The following MACROD2 variants were observed in gnomAD, a reference collection of about 807,000 sequenced individuals.
MACROD2 encodes ADP-ribose glycohydrolase MACROD2.
MACROD2 carries 36 observed loss-of-function variants against 70.4 expected under a neutral mutation model. That is an observed-to-expected ratio of 0.51 (90% confidence interval 0.39 to 0.68). The LOEUF (loss-of-function observed/expected upper bound fraction) is 0.68, where lower values mean the gene tolerates loss of function less well. Ranked by LOEUF, MACROD2 falls within the 30% of genes least tolerant of loss-of-function variation. MACROD2 has a pLI of 0.00. For synonymous variants in MACROD2, 172 were observed against 178.8 expected (o/e 0.96, Z 0.30); for missense variants, 496 against 538.4 (o/e 0.92, Z 0.78).
intron 5 of MACROD2, among the ~76,000 whole-genome samples, chr20:15,187,953 T>C (rs1183703869): frequency 1.3e-5 from 2 of 152,164 alleles, no homozygotes; most frequent in Non-Finnish European, 2.9e-5. Flanking sequence ...ATACTTCTGA[T>C]GTCCTTAATT....
intron 11 of MACROD2, among the ~76,000 whole-genome samples, chr20:15,934,299 G>T (rs1021686819): frequency 2.0e-5 from 3 of 152,186 alleles, no homozygotes; most frequent in Non-Finnish European, 4.4e-5. Context: ...TAACCTTGGA[G>T]ATTTTGCTAG....
intron 7 of MACROD2, among the ~76,000 whole-genome samples, chr20:15,467,049 A>G (rs1031038566): frequency 6.6e-6 from 1 of 152,188 alleles, no homozygotes; most frequent in African/African-American, 2.4e-5. Flanking sequence ...CACCATGTCC[A>G]TACAACCTGA....
At chr20:15,005,631 A>G (rs186047792) in intron 5 of MACROD2, among the ~76,000 whole-genome samples, 3 of 152,290 alleles carry the variant, frequency 2.0e-5, no homozygotes, top group Admixed American at 6.5e-5. Flanking sequence ...TAGTTCTTCT[A>G]TCTTTAGGTG....
intron 4 of MACROD2, among the ~76,000 whole-genome samples, chr20:14,527,114 C>T (rs2085242958): frequency 6.6e-6 from 1 of 152,194 alleles, no homozygotes; most frequent in Admixed American, 6.5e-5. Context: ...TCCAACTGCC[C>T]CAGCCAAACT....
chr20:15,924,319 A>C (rs1027285528), intron 10 of MACROD2, among the ~76,000 whole-genome samples: 7 of 152,158 alleles, frequency 4.6e-5, no homozygotes, highest in African/African-American at 1.7e-4. Flanking sequence ...GCTATTCAGA[A>C]AGCAGGAGAC....
chr20:15,105,890 C>T (rs982291438), intron 5 of MACROD2, among the ~76,000 whole-genome samples: 3 of 152,082 alleles, frequency 2.0e-5, no homozygotes, highest in Admixed American at 6.6e-5. Flanking sequence ...AATTGAACAG[C>T]GTGGTGCCTA....
At chr20:15,159,875 G>A (rs1192527052) in intron 5 of MACROD2, among the ~76,000 whole-genome samples, 1 of 152,024 alleles carries the variant, frequency 6.6e-6, no homozygotes, top group Non-Finnish European at 1.5e-5. Context: ...CAGCGCAGTG[G>A]GAGAGGTTGG....
chr20:14,207,282 A>T (rs1257563013), intron 3 of MACROD2, among the ~76,000 whole-genome samples: 1 of 151,956 alleles, frequency 6.6e-6, no homozygotes, highest in African/African-American at 2.4e-5. Context: ...GGTTTTTTTT[A>T]GTAGAGACGG....
At chr20:15,768,138 C>CTG (rs557053436) in intron 8 of MACROD2, among the ~76,000 whole-genome samples, 6,653 of 148,614 alleles carry the variant, frequency 0.045, 347 homozygotes, top group East Asian at 0.27. Context: ...GTGTATGTGT[C>CTG]TGTGTGTGTG....
At chr20:14,568,938 G>A (rs1979994828) in intron 4 of MACROD2, among the ~76,000 whole-genome samples, 1 of 151,926 alleles carries the variant, frequency 6.6e-6, no homozygotes, top group Non-Finnish European at 1.5e-5. Flanking sequence ...TCAGCATTAA[G>A]GTTACCAAAC....
intron 2 of MACROD2, among the ~76,000 whole-genome samples, chr20:14,043,249 C>T (rs546590360): frequency 3.9e-5 from 6 of 152,252 alleles, no homozygotes; most frequent in South Asian, 2.1e-4. Context: ...GTGCTTCTGA[C>T]GGACCAACTA....
intron 15 of MACROD2, among the ~76,000 whole-genome samples, chr20:16,026,234 TC>T (rs1274376512): frequency 1.3e-5 from 2 of 151,976 alleles, no homozygotes; most frequent in African/African-American, 4.8e-5. Context: ...TCCTGAAACA[TC>T]TGAAGGGGAA....
At chr20:15,054,718 T>C (rs2075469580) in intron 5 of MACROD2, among the ~76,000 whole-genome samples, 1 of 152,156 alleles carries the variant, frequency 6.6e-6, no homozygotes, top group Non-Finnish European at 1.5e-5. Context: ...GTACAAAATG[T>C]CATTTACCAC....
At chr20:15,572,083 A>G (rs1401937187) in intron 8 of MACROD2, among the ~76,000 whole-genome samples, 1 of 152,146 alleles carries the variant, frequency 6.6e-6, no homozygotes, top group African/African-American at 2.4e-5. Flanking sequence ...ATGTTGGTAA[A>G]CACCCCTTTC....
intron 5 of MACROD2, among the ~76,000 whole-genome samples, chr20:14,990,279 T>C (rs889024609): frequency 6.6e-6 from 1 of 152,092 alleles, no homozygotes; most frequent in Non-Finnish European, 1.5e-5. Flanking sequence ...TTTGGAAGGA[T>C]GTGACTTGAA....
intron 12 of MACROD2, among the ~76,000 whole-genome samples, chr20:15,960,340 A>T (rs1410441865): frequency 1.3e-5 from 2 of 151,950 alleles, no homozygotes; most frequent in Non-Finnish European, 2.9e-5. Flanking sequence ...TTTCCCTAAC[A>T]CTCCATAATT....
At chr20:14,287,304 T>C (rs1465456458) in intron 3 of MACROD2, among the ~76,000 whole-genome samples, 2 of 152,164 alleles carry the variant, frequency 1.3e-5, no homozygotes, top group East Asian at 3.9e-4. Flanking sequence ...TAGAGCTATT[T>C]GCCCTATTAG....
At chr20:14,389,719 C>A (rs2083507463) in intron 3 of MACROD2, among the ~76,000 whole-genome samples, 1 of 152,138 alleles carries the variant, frequency 6.6e-6, no homozygotes, top group Admixed American at 6.5e-5. Flanking sequence ...CATGTACAAT[C>A]TATTAGTGTT....
intron 5 of MACROD2, among the ~76,000 whole-genome samples, chr20:15,094,401 C>T (rs1030460661): frequency 1.3e-5 from 2 of 152,038 alleles, no homozygotes; most frequent in Admixed American, 6.6e-5. Context: ...GTAAAAGACT[C>T]AATCAAGTTA....
Sources: gnomAD v4.1 joint callset for allele counts (sites outside exome capture counted in the v4.1 genomes callset) on GRCh38, gnomAD v4.1.1 for gene constraint, MANE v1.5 for transcripts, NCBI Gene and HGNC (gene_info 2026-07-23, HGNC 2026-07-21) for gene names.